Variants in BBS9 observed in about 807,000 individuals in gnomAD.
BBS9 encodes protein PTHB1.
Under a neutral mutation model 117.7 loss-of-function variants are expected in BBS9, and 89 were observed. That is an observed-to-expected ratio of 0.76 (90% CI 0.64 to 0.90). The LOEUF is 0.90. Among genes scored for constraint, BBS9 ranks in the 40% least tolerant of loss-of-function variants. The pLI, the probability that BBS9 is intolerant of heterozygous loss-of-function variation, is 0.00. For synonymous variants in BBS9, 379 were observed against 370.9 expected, an observed-to-expected ratio of 1.02 and a Z score of -0.25; for missense variants, 982 against 1,042.2, an observed-to-expected ratio of 0.94 and a Z score of 0.80.
intron 20 of BBS9, among the ~76,000 whole-genome samples, chr7:33,514,723 T>C (rs1847479866): frequency 6.6e-6 from 1 of 152,206 alleles, no homozygotes; most frequent in African/African-American, 2.4e-5. Context: ...TGGCGTTGCT[T>C]GTTTGGTCTC....
At chr7:33,383,605 A>G (rs111797791) in intron 17 of BBS9, 61 bp from the exon 18 acceptor site, 8 of 1,419,812 alleles carry the variant, frequency 5.6e-6, no homozygotes, top group African/African-American at 2.8e-5. Context: ...GTGATAGTTC[A>G]TGTAGCTTTA....
rs144370648 is a variant in BBS9, at chr7:33,235,430, T to C, written c.443-21806T>C. Among the ~76,000 whole-genome samples, 977 of 152,182 alleles carry C rather than the reference T, an allele frequency of 6.4e-3. 6 individuals carry two copies. The highest frequency in any genetic ancestry group is 0.01 in the Non-Finnish European group (680 of 67,974). On this transcript the variant is annotated intron_variant, in intron 5 of 22. Coordinates refer to ENST00000242067, the MANE Select transcript of BBS9 (RefSeq NM_198428.3). ...GCAATGAGAATTTTGAACTTGGGAG[T>C]AGAGTTTTCTTTTATAAACCTTATA...
intron 21 of BBS9, among the ~76,000 whole-genome samples, chr7:33,570,237 A>G (rs575788410): frequency 6.6e-6 from 1 of 152,212 alleles, no homozygotes; most frequent in East Asian, 1.9e-4. Flanking sequence ...TCAAGAAAAC[A>G]CAAGATGAGC....
intron 21 of BBS9, among the ~76,000 whole-genome samples, chr7:33,595,355 C>A (rs1270491122): frequency 2.0e-5 from 3 of 152,010 alleles, no homozygotes; most frequent in Non-Finnish European, 4.4e-5. Flanking sequence ...AAAGAAACAA[C>A]CCCATCAAAA....
intron 1 of BBS9, among the ~76,000 whole-genome samples, chr7:33,136,184 T>G (rs377040757): frequency 6.6e-6 from 1 of 152,240 alleles, no homozygotes. Flanking sequence ...AGAAATATCA[T>G]GGATATTTGT....
chr7:33,383,438 A>T (rs1327689668), intron 17 of BBS9, among the ~76,000 whole-genome samples: 1 of 152,176 alleles, frequency 6.6e-6, no homozygotes, highest in Non-Finnish European at 1.5e-5. Context: ...CATGCTTTAC[A>T]CTTTGCCACT....
At chr7:33,312,266 T>C (rs1306846240) in intron 9 of BBS9, among the ~76,000 whole-genome samples, 1 of 152,232 alleles carries the variant, frequency 6.6e-6, no homozygotes, top group Non-Finnish European at 1.5e-5. Context: ...ATTTAGCACA[T>C]AGCGTCTTGT....
intron 9 of BBS9, among the ~76,000 whole-genome samples, chr7:33,292,488 A>G (rs1263963590): frequency 6.6e-6 from 1 of 152,062 alleles, no homozygotes; most frequent in East Asian, 1.9e-4. Flanking sequence ...TGGCCTCCCA[A>G]AGTGCTGGGA....
intron 5 of BBS9, among the ~76,000 whole-genome samples, chr7:33,209,917 C>A (rs1438240301): frequency 6.6e-6 from 1 of 151,912 alleles, no homozygotes; most frequent in Non-Finnish European, 1.5e-5. Context: ...TTTATTATTT[C>A]TTTTCTTCTA....
At chr7:33,529,824 C>T (rs192806329) in intron 20 of BBS9, among the ~76,000 whole-genome samples, 1 of 152,180 alleles carries the variant, frequency 6.6e-6, no homozygotes, top group East Asian at 1.9e-4. Flanking sequence ...TTTACTCTCA[C>T]AATATAAGAC....
intron 5 of BBS9, among the ~76,000 whole-genome samples, chr7:33,222,696 C>T (rs1012141046): frequency 6.6e-6 from 1 of 151,886 alleles, no homozygotes; most frequent in African/African-American, 2.4e-5. Context: ...GCTTGTAACT[C>T]CAGCACTTTG....
chr7:33,591,327 G>C (rs554031564), intron 21 of BBS9, among the ~76,000 whole-genome samples: 1 of 152,128 alleles, frequency 6.6e-6, no homozygotes, highest in Admixed American at 6.6e-5. Context: ...GAATCATTTG[G>C]AAACTAAAAT....
At chr7:33,411,683 C>G (rs1273170501) in intron 19 of BBS9, among the ~76,000 whole-genome samples, 3 of 151,906 alleles carry the variant, frequency 2.0e-5, no homozygotes, top group Non-Finnish European at 4.4e-5. Context: ...TACAAATGTT[C>G]AATGTAATAT....
Position 33,264,359 on chromosome 7 carries a change from T to G in BBS9, c.687T>G (p.Ser229=). Residue 229 remains serine, a synonymous_variant, in exon 7 of 23, where the codon TCT becomes TCG. Transcript: ENST00000242067. ...AGACTGAACAGCAAAAACTTGGTTC[T>G]GGAAAAAGACTAGTTGTAAGGCCTT... ...RQETEQQKLG[S]GKRLVVDWTL... 1.9e-6 allele frequency: 3 copies of G among 1,581,602 alleles called. No individual in the cohort carries two copies. In the Admixed American group the frequency reaches 5.1e-5, roughly 27 times the overall value.
In BBS9 at chr7:33,635,200, G is replaced by A. The variant is rs138941537; in HGVS notation, c.2545G>A (p.Glu849Lys). Among the ~76,000 whole-genome samples the A allele has an allele frequency of 6.8e-4, 93 of 136,752 alleles. No homozygotes were observed. Among genetic ancestry groups the A allele is most frequent in the African/African-American group, 2.3e-3 (90 of 38,760 alleles). The allele number at this position is 136,752 out of a possible 152,430, so 89.7% of individuals were successfully genotyped here. A position where few individuals can be genotyped will look rare whatever the true frequency, so the allele number is the denominator to read the frequency against. Reference sequence around the variant, plus strand: ...AGACCCCAGGACTGGACAGAGGATCGAGGCCTGGACCCTAAGAATACCCCA... The same window carrying A: ...AGACCCCAGGACTGGACAGAGGATCAAGGCCTGGACCCTAAGAATACCCCA... The change falls in exon 22 of 22, where the codon GAG becomes AAG. Residue 849 changes from glutamate (E) to lysine (K), a missense_variant. Transcript: ENST00000671952.
chr7:33,631,351 C>T (rs1865882744), intron 21 of BBS9, among the ~76,000 whole-genome samples: 1 of 152,174 alleles, frequency 6.6e-6, no homozygotes, highest in Non-Finnish European at 1.5e-5. Context: ...CTCCCATCAT[C>T]TTCATCCCTC....
intron 9 of BBS9, among the ~76,000 whole-genome samples, chr7:33,329,881 A>T (rs569702307): frequency 1.3e-5 from 2 of 152,188 alleles, no homozygotes; most frequent in South Asian, 4.1e-4. Context: ...AAATTTTTCC[A>T]TTTATTTATT....
intron 19 of BBS9, among the ~76,000 whole-genome samples, chr7:33,469,392 T>C (rs1026881458): frequency 7.2e-5 from 11 of 152,198 alleles, no homozygotes; most frequent in Admixed American, 7.2e-4. Context: ...TCATGGACTT[T>C]ATAGCCATTT....
Position 33,135,152 on chromosome 7 carries a change from A to G in BBS9, c.-12+5111A>G, listed in dbSNP as rs1198138171. 1.1e-4 allele frequency among the ~76,000 whole-genome samples: 16 copies of G among 152,174 alleles called. No homozygotes were observed. The South Asian group carries it at 3.3e-3, about 31-fold the overall frequency. Reference sequence around the variant, plus strand: ...AGCAGTCCTCCTGCCTTGGCCTCTCAAAGTATTGGAATTACAGGCATTAGC... The same window carrying G: ...AGCAGTCCTCCTGCCTTGGCCTCTCGAAGTATTGGAATTACAGGCATTAGC... On this transcript the variant is annotated intron_variant, in intron 1 of 22. Transcript: ENST00000242067.
Sources: allele counts gnomAD v4.1 joint callset (sites outside exome capture counted in the v4.1 genomes callset), GRCh38; gene constraint gnomAD v4.1.1; transcripts MANE v1.5; gene names NCBI Gene and HGNC (gene_info 2026-07-23, HGNC 2026-07-21).